The following KCTD1 variants were observed in gnomAD, a reference collection of about 807,000 sequenced individuals.
The protein encoded by KCTD1 is potassium channel tetramerization domain containing 1.
In KCTD1, 24 loss-of-function variants were observed where a neutral mutation model predicts 66.0. The observed-to-expected ratio is 0.36, with a 90% CI of 0.26 to 0.51. The LOEUF (loss-of-function observed/expected upper bound fraction) is 0.51, where lower values mean the gene tolerates loss of function less well. Among genes scored for constraint, KCTD1 ranks in the 20% least tolerant of loss-of-function variants. The pLI is 0.95. For missense variants in KCTD1, 943 were observed against 1,205.2 expected, an observed-to-expected ratio of 0.78 and a Z score of 3.22; for synonymous variants, 511 against 517.2, an observed-to-expected ratio of 0.99 and a Z score of 0.16.
At chr18:26,546,696 A>C in intron 1 of KCTD1, 32 bp downstream of exon 1, 2 of 1,523,156 alleles carry the variant, frequency 1.3e-6, no homozygotes, top group South Asian at 2.6e-5. Flanking sequence ...GTACCAAAGA[A>C]ACATTTCATG....
At position 26,634,648 on chromosome 18, in the gene KCTD1, G is replaced by A. The variant is rs183871281; in HGVS notation, c.-106-5411C>T. Among the ~76,000 whole-genome samples, 23 of 152,302 alleles carry A rather than the reference G, an allele frequency of 1.5e-4. No individual in the cohort carries two copies. The East Asian group carries it at 4.4e-3, about 29-fold the overall frequency. On this transcript the variant is annotated intron_variant, in intron 1 of 5. Transcript: ENST00000579973. ...ATAGAGGATTACTTAAGTAAATGCTGTCAATCTTGTAGATATTTTAAATTT... is the reference window on the plus strand; with the variant it reads ...ATAGAGGATTACTTAAGTAAATGCTATCAATCTTGTAGATATTTTAAATTT...
intron 2 of KCTD1, among the ~76,000 whole-genome samples, chr18:26,496,886 C>G (rs867218415): frequency 1.2e-4 from 18 of 152,154 alleles, no homozygotes; most frequent in Admixed American, 3.3e-4. Flanking sequence ...GGCCTACATT[C>G]TCCAGAAGGG....
intron 1 of KCTD1, among the ~76,000 whole-genome samples, chr18:26,654,417 G>A (rs1988090163): frequency 6.6e-6 from 1 of 152,028 alleles, no homozygotes; most frequent in African/African-American, 2.4e-5. Context: ...TCTCACATCA[G>A]AGTAAGTTGA....
chr18:26,625,923 T>A (rs527976002), intron 1 of KCTD1, among the ~76,000 whole-genome samples: 5 of 152,252 alleles, frequency 3.3e-5, no homozygotes, highest in African/African-American at 1.2e-4. Flanking sequence ...GGAGAGAGCA[T>A]GCAGAGTGGC....
Position 26,460,036 on chromosome 18 carries a change from C to T in KCTD1, c.2134-111G>A, listed in dbSNP as rs58922263. On this transcript the variant is annotated intron_variant, in intron 3 of 4. Transcript: ENST00000580059. ...CTTCTTGTTATGTCACTAATCAAAT[C>T]TGCATGTGCGTTTTTCACTTACGAC... is the stretch of plus-strand genomic sequence containing the variant. 44 of 789,846 alleles carry T rather than the reference C, an allele frequency of 5.6e-5. No homozygotes were observed. The African/African-American group carries it at 6.4e-4, about 11-fold the overall frequency. The allele number at this position is 789,846 out of a possible 1,614,324, so 48.9% of individuals were successfully genotyped here.
intron 1 of KCTD1, among the ~76,000 whole-genome samples, chr18:26,560,444 T>A (rs1378469180): frequency 5.9e-5 from 9 of 152,202 alleles, no homozygotes; most frequent in Non-Finnish European, 5.9e-5. Context: ...TAATATCACC[T>A]GGAGAACTTG....
At chr18:26,629,314 A>C, upstream of KCTD1, 1 of 405,320 alleles carries the variant, frequency 2.5e-6, no homozygotes, top group Non-Finnish European at 3.3e-6. Context: ...CAACTGAGCT[A>C]ACCAACCATA....
At chr18:26,505,014 G>A (rs928537189) in intron 1 of KCTD1, among the ~76,000 whole-genome samples, 1 of 152,264 alleles carries the variant, frequency 6.6e-6, no homozygotes, top group Non-Finnish European at 1.5e-5. Context: ...CACTGCATCA[G>A]CCATCTCTCA....
chr18:26,492,477 T>C (rs1303871338), intron 2 of KCTD1, among the ~76,000 whole-genome samples: 1 of 151,858 alleles, frequency 6.6e-6, no homozygotes, highest in East Asian at 1.9e-4. Context: ...CTATAAAAAA[T>C]TAAAAATTAA....
chr18:26,603,344 A>C (rs1986940318), intron 1 of KCTD1, among the ~76,000 whole-genome samples: 1 of 151,538 alleles, frequency 6.6e-6, no homozygotes, highest in South Asian at 2.1e-4. Flanking sequence ...AGGTGGGAGA[A>C]TCACCTCAGC....
intron 1 of KCTD1, among the ~76,000 whole-genome samples, chr18:26,598,543 C>G (rs544415579): frequency 6.6e-6 from 1 of 151,682 alleles, no homozygotes; most frequent in East Asian, 1.9e-4. Context: ...TATGGTAGTA[C>G]TATCTTTAAC....
chr18:26,637,279 G>A (rs1002856079), intron 1 of KCTD1, among the ~76,000 whole-genome samples: 3 of 152,104 alleles, frequency 2.0e-5, no homozygotes, highest in African/African-American at 7.2e-5. Context: ...TGCTCCTTCT[G>A]AACCCCGGGC....
chr18:26,656,951 T>G (rs1478305717), intron 1 of KCTD1, among the ~76,000 whole-genome samples: 1 of 146,268 alleles, frequency 6.8e-6, no homozygotes, highest in African/African-American at 2.5e-5. Context: ...GCGGGGAGGC[T>G]GGCGCGCGGA....
rs1982728158 is a variant in KCTD1, at chr18:26,500,955, G to A, written c.1988+117C>T. ...CCTAGGCAGCAGGGTGGCTCACACA[G>A]CACTTTCACATCCTGCCCCCTGCCT... On this transcript the variant is annotated intron_variant, in intron 2 of 4. Coordinates refer to ENST00000580059, the MANE Select transcript of KCTD1 (RefSeq NM_001142730.3). The A allele has an allele frequency of 3.5e-6, 4 of 1,131,056 alleles. No individual in the cohort carries two copies. In the South Asian group the frequency reaches 4.9e-5, roughly 14 times the overall value. The allele number at this position is 1,131,056 out of a possible 1,614,324, so 70.1% of individuals were successfully genotyped here.
chr18:26,538,286 G>C (rs1471823239), intron 1 of KCTD1, among the ~76,000 whole-genome samples: 1 of 152,062 alleles, frequency 6.6e-6, no homozygotes, highest in African/African-American at 2.4e-5. Context: ...CCTCTGTAAA[G>C]AGAAATAGGA....
At chr18:26,520,379 T>G (rs139264218) in intron 1 of KCTD1, among the ~76,000 whole-genome samples, 1 of 152,254 alleles carries the variant, frequency 6.6e-6, no homozygotes, top group Non-Finnish European at 1.5e-5. Context: ...AAATTATTGA[T>G]GACTAACAGT....
chr18:26,575,171 A>G (rs1378021395), intron 1 of KCTD1: 1 of 152,204 alleles, frequency 6.6e-6, no homozygotes, highest in African/African-American at 2.4e-5. Context: ...GCAATGGAGT[A>G]GAATATTTCA....
At chr18:26,637,654 A>C (rs1162273380) in intron 1 of KCTD1, among the ~76,000 whole-genome samples, 3 of 152,202 alleles carry the variant, frequency 2.0e-5, no homozygotes, top group Non-Finnish European at 4.4e-5. Flanking sequence ...GTTGGAGAAG[A>C]TTCCAGAACA....
intron 1 of KCTD1, among the ~76,000 whole-genome samples, chr18:26,514,436 GT>G (rs1441388101): frequency 1.3e-5 from 2 of 151,596 alleles, no homozygotes; most frequent in Admixed American, 1.3e-4. Context: ...CCTACAGTCT[GT>G]GACTCAGGAG....
Sources: gnomAD v4.1 joint callset for allele counts (sites outside exome capture counted in the v4.1 genomes callset) on GRCh38, gnomAD v4.1.1 for gene constraint, MANE v1.5 for transcripts, NCBI Gene and HGNC (gene_info 2026-07-23, HGNC 2026-07-21) for gene names.